The following COPS4 variants were observed in gnomAD, a reference collection of about 807,000 sequenced individuals.
COPS4 encodes the protein COP9 signalosome complex subunit 4.
COPS4 carries 8 observed loss-of-function variants against 55.1 expected under a neutral mutation model. The observed-to-expected ratio is 0.15, with a 90% CI of 0.09 to 0.26. COPS4 has a LOEUF of 0.26. Among genes scored for constraint, COPS4 ranks in the 10% least tolerant of loss-of-function variants. The pLI is 1.00. For missense variants in COPS4, 248 were observed against 484.0 expected (o/e 0.51, Z 4.58); for synonymous variants, 185 against 165.7 (o/e 1.12, Z -0.90).
intron 6 of COPS4, among the ~76,000 whole-genome samples, chr4:83,058,621 C>G (rs1731074951): frequency 6.6e-6 from 1 of 152,156 alleles, no homozygotes; most frequent in Non-Finnish European, 1.5e-5. Context: ...AGAACTTTTA[C>G]TGGTTTCTTA....
At chr4:83,041,995 G>A (rs764959373) in intron 1 of COPS4, among the ~76,000 whole-genome samples, 32 of 151,464 alleles carry the variant, frequency 2.1e-4, no homozygotes, top group Non-Finnish European at 3.7e-4. Context: ...CTCCCGAGTA[G>A]CTGAGATTAC....
intron 4 of COPS4, among the ~76,000 whole-genome samples, chr4:83,053,768 A>T (rs1192496852): frequency 4.6e-5 from 6 of 130,210 alleles, no homozygotes; most frequent in Admixed American, 1.9e-4. Context: ...TGAACCCGGG[A>T]TGTGGAGGTT....
At chr4:83,072,262 G>A (rs556830366) in intron 9 of COPS4, among the ~76,000 whole-genome samples, 2 of 151,818 alleles carry the variant, frequency 1.3e-5, no homozygotes, top group East Asian at 1.9e-4. Flanking sequence ...CACCATGCCC[G>A]GCTAATTTTG....
At chr4:83,039,369 G>A (rs1224833991) in intron 1 of COPS4, among the ~76,000 whole-genome samples, 1 of 152,158 alleles carries the variant, frequency 6.6e-6, no homozygotes, top group African/African-American at 2.4e-5. Flanking sequence ...AAGGCCTCTC[G>A]AGGTCTGGGC....
At chr4:83,045,118 G>A (rs894669203) in intron 1 of COPS4, among the ~76,000 whole-genome samples, 9 of 152,148 alleles carry the variant, frequency 5.9e-5, no homozygotes, top group African/African-American at 1.7e-4. Context: ...GTTTGGTTTC[G>A]TTGCCTGGTC....
chr4:83,035,826 C>T (rs1313395604), intron 1 of COPS4: 1 of 156,314 alleles, frequency 6.4e-6, no homozygotes, highest in Non-Finnish European at 1.4e-5. Flanking sequence ...TTCTGTGGGT[C>T]CTTGTGTTTC....
intron 6 of COPS4, among the ~76,000 whole-genome samples, chr4:83,060,497 G>A (rs1417229481): frequency 6.6e-6 from 1 of 151,336 alleles, no homozygotes; most frequent in African/African-American, 2.4e-5. Context: ...TAGTAGAGAC[G>A]GGGTTTCACC....
At chr4:83,043,420 G>C (rs1578703898) in intron 1 of COPS4, among the ~76,000 whole-genome samples, 2 of 145,224 alleles carry the variant, frequency 1.4e-5, no homozygotes, top group African/African-American at 5.1e-5. Context: ...TCAGGAGGCA[G>C]AAGCAGGAGG....
chr4:83,043,540 A>AC (rs1203219726), intron 1 of COPS4, among the ~76,000 whole-genome samples: 10 of 150,440 alleles, frequency 6.6e-5, no homozygotes, highest in Non-Finnish European at 1.5e-4. Context: ...AAAAAAAAAA[A>AC]AAAAAACCAT....
chr4:83,074,904 T>G (rs889910489), intron 9 of COPS4, among the ~76,000 whole-genome samples: 3 of 151,830 alleles, frequency 2.0e-5, no homozygotes, highest in African/African-American at 4.8e-5. Flanking sequence ...GGGTGGATCA[T>G]GAGGTCAGGA....
chr4:83,071,717 C>CT (rs561071392), intron 9 of COPS4, among the ~76,000 whole-genome samples: 2,494 of 144,424 alleles, frequency 0.017, 38 homozygotes, highest in African/African-American at 0.044. Context: ...TTGTGCCTGG[C>CT]TTTTTTTTTT....
intron 1 of COPS4, among the ~76,000 whole-genome samples, chr4:83,039,671 G>A (rs909749383): frequency 6.6e-6 from 1 of 152,102 alleles, no homozygotes; most frequent in Non-Finnish European, 1.5e-5. Context: ...TTGCTCTGTT[G>A]CCCTGGCTTG....
chr4:83,075,316 G>A lies in COPS4; in HGVS notation c.1107G>A (p.Thr369=), dbSNP rs113267477. ...CCTTAGCACGAGAAGCCCTGCCAAC[G>A]TGGGATAAGCAGATCCAATCACTTT... ...VHFETREALP[T]WDKQIQSLCF... The change falls in exon 10 of 10, where the codon ACG becomes ACA. Residue 369 remains threonine, a synonymous_variant. Coordinates refer to ENST00000264389, the MANE Select transcript of COPS4 (RefSeq NM_016129.3). 6.1e-3 allele frequency: 9,879 copies of A among 1,613,392 alleles called. 99 individuals are homozygous for A. The highest frequency in any genetic ancestry group is 0.013 in the Middle Eastern group (80 of 6,058).
Position 83,065,014 on chromosome 4 carries a change from T to G in COPS4, c.887-1424T>G, listed in dbSNP as rs1481680304. 4.5e-6 allele frequency: 3 copies of G among 664,908 alleles called. No homozygotes were observed. In the Admixed American group the frequency reaches 6.3e-5, roughly 14 times the overall value. 41.2% of individuals were successfully genotyped at this position (664,908 alleles called of 1,614,324 possible). A position where few individuals can be genotyped will look rare whatever the true frequency, so the allele number is the denominator to read the frequency against. On this transcript the variant is annotated intron_variant, in intron 7 of 9. Coordinates refer to ENST00000264389, the MANE Select transcript of COPS4 (RefSeq NM_016129.3). ...TTCTACCTCCACCTCCCCAGAAGCT[T>G]AGGCATGTGCCACCACACCCTGCTA... is the stretch of plus-strand genomic sequence containing the variant.
At chr4:83,043,518 CAAAAAAAA>C (rs34480105) in intron 1 of COPS4, among the ~76,000 whole-genome samples, 2 of 17,682 alleles carry the variant, frequency 1.1e-4, no homozygotes, top group Non-Finnish European at 2.4e-4. Flanking sequence ...GACCCTGTCT[CAAAAAAAA>C]AAAAAAAAAA....
At chr4:83,070,872 A>G (rs1284870575) in intron 9 of COPS4, among the ~76,000 whole-genome samples, 2 of 152,250 alleles carry the variant, frequency 1.3e-5, no homozygotes, top group East Asian at 3.8e-4. Context: ...ACAAAGTTCT[A>G]CAAAGTCTCC....
Position 83,049,911 on chromosome 4 carries a change from A to G in COPS4, c.337A>G (p.Ile113Val). The G allele has an allele frequency of 6.2e-7, 1 of 1,611,286 alleles. No individual in the cohort carries two copies. Among genetic ancestry groups the G allele is most frequent in the Non-Finnish European group, 8.5e-7 (1 of 1,178,826 alleles). ...TTCCATAAGACAGCATCTTGCATCT[A>G]TATATGAGAAAGAAGAAGATTGGAG... ...VASIRQHLAS[I>V]YEKEEDWRNA... The change falls in exon 4 of 10, where the codon ATA becomes GTA. Residue 113 changes from isoleucine to valine, a missense_variant. By Grantham distance (29) the Ile-to-Val change is conservative. This residue lies in a region of COPS4 where 155 missense variants were observed against 326.6 expected (regional missense o/e 0.47). Coordinates refer to ENST00000264389, the MANE Select transcript of COPS4 (RefSeq NM_016129.3).
In COPS4 at chr4:83,073,584, T is replaced by C. The variant is rs78000008; in HGVS notation, c.1088-1713T>C. The stretch of plus-strand genomic sequence containing the variant: ...ATTTATTAAAGGAGAAGGATTGATA[T>C]TTTTATGTTATTGTATATTTCCACC... On this transcript the variant is annotated intron_variant, in intron 9 of 9. Transcript: ENST00000264389. 7.2e-3 allele frequency among the ~76,000 whole-genome samples: 1,095 copies of C among 152,326 alleles called. 16 individuals are homozygous for C. Among genetic ancestry groups the C allele is most frequent in the Middle Eastern group, 0.01 (3 of 294 alleles).
chr4:83,038,126 T>C (rs1393432163), intron 1 of COPS4, among the ~76,000 whole-genome samples: 1 of 152,246 alleles, frequency 6.6e-6, no homozygotes, highest in Non-Finnish European at 1.5e-5. Flanking sequence ...ATAGACTTTA[T>C]TGAGGATAGC....
Sources: gnomAD v4.1 joint callset for allele counts (sites outside exome capture counted in the v4.1 genomes callset) on GRCh38, gnomAD v4.1.1 for gene constraint, gnomAD v4.1.1 regional missense constraint, MANE v1.5 for transcripts, NCBI Gene and HGNC (gene_info 2026-07-23, HGNC 2026-07-21) for gene names.